SCN2A: variants seen among roughly 807,000 people sequenced by gnomAD.
SCN2A encodes the protein sodium voltage-gated channel alpha subunit 2.
A neutral mutation model predicts 188.7 loss-of-function variants in SCN2A; 20 were observed. The ratio of observed to expected loss-of-function variants is 0.11; its 90% CI spans 0.07 to 0.15. SCN2A has a LOEUF of 0.15. Ranked by LOEUF, SCN2A falls within the 10% of genes least tolerant of loss-of-function variation. SCN2A has a pLI of 1.00. For synonymous variants in SCN2A, 804 were observed against 833.1 expected (o/e 0.97, Z 0.60); for missense variants, 1,278 against 2,445.0 (o/e 0.52, Z 10.07).
intron 26 of SCN2A, among the ~76,000 whole-genome samples, chr2:165,388,062 G>C (rs1302666415): frequency 6.6e-6 from 1 of 152,054 alleles, no homozygotes; most frequent in African/African-American, 2.4e-5. Context: ...ATGAAGAAAA[G>C]ACTTAGTAAA....
intron 3 of SCN2A, among the ~76,000 whole-genome samples, chr2:165,305,044 T>G (rs1697042595): frequency 6.6e-6 from 1 of 152,186 alleles, no homozygotes. Flanking sequence ...GATGCTAGTC[T>G]TGACAGACAC....
intron 1 of SCN2A, among the ~76,000 whole-genome samples, chr2:165,250,369 G>T (rs1006325926): frequency 1.3e-5 from 2 of 151,888 alleles, no homozygotes; most frequent in Non-Finnish European, 2.9e-5. Context: ...TAAATTTAGT[G>T]TTTGTTTGAG....
At chr2:165,301,955 A>G (rs1412886322) in intron 3 of SCN2A, among the ~76,000 whole-genome samples, 1 of 152,122 alleles carries the variant, frequency 6.6e-6, no homozygotes, top group African/African-American at 2.4e-5. Context: ...AGGTTTTTTG[A>G]TTCTTGGCTC....
At chr2:165,300,655 C>G (rs7581811) in intron 3 of SCN2A, among the ~76,000 whole-genome samples, 85,947 of 151,932 alleles carry the variant, frequency 0.57, 24,848 homozygotes, top group Middle Eastern at 0.65. Context: ...GTATGTTTAA[C>G]AATCAGCAAG....
At chr2:165,334,105 C>T (rs1263623875) in intron 14 of SCN2A, among the ~76,000 whole-genome samples, 3 of 150,486 alleles carry the variant, frequency 2.0e-5, no homozygotes, top group East Asian at 3.9e-4. Context: ...AATAAGTAAA[C>T]ATTGAATTCA....
chr2:165,377,076 C>G (rs1366969442), intron 22 of SCN2A, among the ~76,000 whole-genome samples: 1 of 152,004 alleles, frequency 6.6e-6, no homozygotes, highest in Non-Finnish European at 1.5e-5. Context: ...GATTAGGAAA[C>G]TGCTTCCTCT....
intron 1 of SCN2A, among the ~76,000 whole-genome samples, chr2:165,252,565 A>G (rs934146531): frequency 2.0e-5 from 3 of 152,118 alleles, no homozygotes; most frequent in South Asian, 2.1e-4. Flanking sequence ...CAAAAAAAGG[A>G]AAATTTTATT....
chr2:165,389,987 A>G lies in SCN2A; in HGVS notation c.*163A>G. 8.6e-7 allele frequency: 1 copy of G among 1,159,752 alleles called. No homozygotes were observed. The highest frequency in any genetic ancestry group is 1.2e-6 in the Non-Finnish European group (1 of 848,398). The allele number at this position is 1,159,752 out of a possible 1,614,324, so 71.8% of individuals were successfully genotyped here. A position where few individuals can be genotyped will look rare whatever the true frequency, so the allele number is the denominator to read the frequency against. On this transcript the variant is annotated 3_prime_UTR_variant, in exon 27 of 27. Coordinates refer to ENST00000375437, the MANE Select transcript of SCN2A (RefSeq NM_001040142.2). This position sits in a 1 kb window ranked among gnomAD's most constrained non-coding sequence, Gnocchi z 4.2. ...TATAACAAGACAGAGACCTCTGGTC[A>G]GCAAACTGGAACTCAGTAAACTGGA...
chr2:165,314,206 G>A (rs1165079525), intron 10 of SCN2A, 98 bp downstream of exon 10: 1 of 1,245,740 alleles, frequency 8.0e-7, no homozygotes, highest in Non-Finnish European at 1.1e-6. Context: ...TTAGAAATAG[G>A]TCATATGTGT....
At chr2:165,323,609 G>C (rs1476506597) in intron 12 of SCN2A, 109 bp downstream of exon 12, 2 of 1,059,936 alleles carry the variant, frequency 1.9e-6, no homozygotes, top group Admixed American at 2.0e-5. Flanking sequence ...TTGCCCAAAG[G>C]CTGGGAGTTT....
chr2:165,249,374 T>C (rs1413228101), intron 1 of SCN2A, among the ~76,000 whole-genome samples: 3 of 152,184 alleles, frequency 2.0e-5, no homozygotes, highest in African/African-American at 7.2e-5. Flanking sequence ...CTAGTTATTT[T>C]GTCCAGGACT....
intron 8 of SCN2A, among the ~76,000 whole-genome samples, chr2:165,312,476 A>T (rs1697491028): frequency 6.6e-6 from 1 of 152,108 alleles, no homozygotes; most frequent in East Asian, 1.9e-4. Context: ...AATATCTGAG[A>T]CATGGGGAGT....
intron 1 of SCN2A, among the ~76,000 whole-genome samples, chr2:165,280,871 T>C (rs887582796): frequency 6.6e-6 from 1 of 152,186 alleles, no homozygotes; most frequent in Non-Finnish European, 1.5e-5. Context: ...CTAAGACATG[T>C]AGTTTACATT....
At chr2:165,326,631 G>A (rs1185179849) in intron 12 of SCN2A, among the ~76,000 whole-genome samples, 2 of 152,086 alleles carry the variant, frequency 1.3e-5, no homozygotes, top group East Asian at 1.9e-4. Flanking sequence ...TAGAGGCATA[G>A]GAAAGCCCAC....
intron 1 of SCN2A, among the ~76,000 whole-genome samples, chr2:165,293,311 G>T (rs1405956547): frequency 6.6e-6 from 1 of 152,146 alleles, no homozygotes; most frequent in Non-Finnish European, 1.5e-5. Flanking sequence ...TTTACGTCAT[G>T]CTTTGCTTAA....
At position 165,389,656 on chromosome 2, in the gene SCN2A, C is replaced by T. The variant is rs147055283; in HGVS notation, c.5850C>T (p.Leu1950=). The change falls in exon 27 of 27, where the codon CTC becomes CTT. Residue 1950 remains leucine (L), a synonymous_variant. Transcript: ENST00000375437. The surrounding 1 kb of genome is among the most constrained non-coding windows in gnomAD (Gnocchi z 4.2). ...CDGTPIKEDT[L]IDKLNENSTP... ...GAACACCCATCAAAGAAGATACTCTCATTGATAAACTGAATGAGAATTCAA... is the reference window on the plus strand; with the variant it reads ...GAACACCCATCAAAGAAGATACTCTTATTGATAAACTGAATGAGAATTCAA... 9.3e-6 allele frequency: 15 copies of T among 1,613,848 alleles called. No individual in the cohort carries two copies. The African/African-American group carries it at 1.9e-4, about 20-fold the overall frequency.
intron 26 of SCN2A, 66 bp from the exon 27 acceptor site, chr2:165,388,563 T>A (rs1701991634): frequency 6.2e-7 from 1 of 1,604,632 alleles, no homozygotes; most frequent in Admixed American, 1.7e-5. Context: ...CTAATGTACT[T>A]ATGTAAACTT....
intron 14 of SCN2A, among the ~76,000 whole-genome samples, chr2:165,332,550 C>T (rs1354570454): frequency 6.6e-6 from 1 of 151,954 alleles, no homozygotes; most frequent in African/African-American, 2.4e-5. Context: ...AATGGAAGGT[C>T]TGAATGCTGT....
intron 1 of SCN2A, among the ~76,000 whole-genome samples, chr2:165,262,070 C>T (rs1483476327): frequency 6.6e-6 from 1 of 152,126 alleles, no homozygotes; most frequent in Admixed American, 6.5e-5. Flanking sequence ...GGATGTTTCA[C>T]TTCTGTGTAT....
Sources: allele counts gnomAD v4.1 joint callset (sites outside exome capture counted in the v4.1 genomes callset), GRCh38; gene constraint gnomAD v4.1.1; non-coding constraint Gnocchi (gnomAD v3.1); transcripts MANE v1.5; gene names NCBI Gene and HGNC (gene_info 2026-07-23, HGNC 2026-07-21).